Variants in TRIO observed in about 807,000 individuals in gnomAD.
The protein encoded by TRIO is triple functional domain protein.
Under a neutral mutation model 351.9 loss-of-function variants are expected in TRIO, and 58 were observed. The ratio of observed to expected loss-of-function variants is 0.16; its 90% confidence interval spans 0.13 to 0.21. TRIO has a LOEUF of 0.21. Ranked by LOEUF, TRIO falls within the 10% of genes least tolerant of loss-of-function variation. The pLI is 1.00. For missense variants in TRIO, 3,201 were observed against 4,027.8 expected, an observed-to-expected ratio of 0.79 and a Z score of 5.56; for synonymous variants, 1,758 against 1,595.7, an observed-to-expected ratio of 1.10 and a Z score of -2.42.
intron 16 of TRIO, among the ~76,000 whole-genome samples, chr5:14,367,487 G>T (rs1280041868): frequency 1.3e-5 from 2 of 152,152 alleles, no homozygotes; most frequent in Non-Finnish European, 2.9e-5. Flanking sequence ...TCAGATTCCT[G>T]CTTAAAAGCA....
At chr5:14,337,690 A>C (rs538523996) in intron 11 of TRIO, among the ~76,000 whole-genome samples, 1 of 152,236 alleles carries the variant, frequency 6.6e-6, no homozygotes, top group Non-Finnish European at 1.5e-5. Context: ...ATTCCTTTAA[A>C]GGAAAAGAAC....
At chr5:14,394,927 A>G (rs757762870) in intron 28 of TRIO, among the ~76,000 whole-genome samples, 1 of 152,232 alleles carries the variant, frequency 6.6e-6, no homozygotes, top group Non-Finnish European at 1.5e-5. Context: ...AATGTTCAGC[A>G]TACCATTTTC....
intron 8 of TRIO, among the ~76,000 whole-genome samples, chr5:14,311,767 A>G (rs146173385): frequency 6.6e-6 from 1 of 152,306 alleles, no homozygotes; most frequent in African/African-American, 2.4e-5. Flanking sequence ...ATGGCGAGCT[A>G]AGCCTGAAAA....
At chr5:14,466,711 C>T (rs1240862620) in intron 37 of TRIO, among the ~76,000 whole-genome samples, 1 of 152,194 alleles carries the variant, frequency 6.6e-6, no homozygotes, top group Non-Finnish European at 1.5e-5. Flanking sequence ...GCGAATAGTT[C>T]TGATACGTTT....
chr5:14,329,596 A>G (rs1740720936), intron 9 of TRIO, among the ~76,000 whole-genome samples: 1 of 152,266 alleles, frequency 6.6e-6, no homozygotes, highest in Non-Finnish European at 1.5e-5. Flanking sequence ...GTGTTTTGTT[A>G]GAGCAGGCTG....
intron 1 of TRIO, among the ~76,000 whole-genome samples, chr5:14,222,248 C>T (rs979642077): frequency 6.6e-6 from 1 of 151,510 alleles, no homozygotes; most frequent in Non-Finnish European, 1.5e-5. Flanking sequence ...ATAAATGTAC[C>T]ATGTAACGTA....
chr5:14,395,272 G>A (rs868752795), intron 28 of TRIO, among the ~76,000 whole-genome samples: 3 of 152,138 alleles, frequency 2.0e-5, no homozygotes, highest in African/African-American at 4.8e-5. Flanking sequence ...GACCATTCCC[G>A]CAGAAATATA....
At chr5:14,336,331 A>G (rs1387715240) in intron 10 of TRIO, among the ~76,000 whole-genome samples, 1 of 152,206 alleles carries the variant, frequency 6.6e-6, no homozygotes, top group Non-Finnish European at 1.5e-5. Context: ...ATGGGGTTCA[A>G]AGTTTAACAA....
At chr5:14,481,387 CA>C in intron 44 of TRIO, 103 bp downstream of exon 44, 1 of 1,505,798 alleles carries the variant, frequency 6.6e-7, no homozygotes, top group Non-Finnish European at 9.1e-7. Flanking sequence ...GGGGTCAAAG[CA>C]GTGGATGACA....
At position 14,487,618 on chromosome 5, in the gene TRIO, C is replaced by G. The variant is rs1297736366; in HGVS notation, c.6990C>G (p.Ala2330=). The G allele has an allele frequency of 2.5e-6, 3 of 1,198,830 alleles. No individual in the cohort carries two copies. The highest frequency in any genetic ancestry group is 2.1e-6 in the Non-Finnish European group (2 of 956,842). The allele number at this position is 1,198,830 out of a possible 1,614,324, so 74.3% of individuals were successfully genotyped here. Residue 2330 remains alanine, a synonymous_variant, in exon 48 of 57, where the codon GCC becomes GCG. Transcript: ENST00000344204. ...HSGGPSSCGG[A]PSTSRSRPSR... ...GCGGCCCCAGCAGCTGCGGCGGCGC[C>G]CCCAGCACGAGCAGGAGCCGGCCCT...
chr5:14,197,526 A>G (rs367804751), intron 1 of TRIO, among the ~76,000 whole-genome samples: 2 of 152,306 alleles, frequency 1.3e-5, no homozygotes, highest in East Asian at 1.9e-4. Flanking sequence ...TTTTGGTTGC[A>G]AGCAGTCAGA....
At chr5:14,330,654 T>G in intron 9 of TRIO, 124 bp from the exon 10 acceptor site, 1 of 1,271,020 alleles carries the variant, frequency 7.9e-7, no homozygotes, top group Non-Finnish European at 1.0e-6. Flanking sequence ...CCATTTTTTT[T>G]TCTCGTTTGC....
At chr5:14,393,757 T>C (rs927149300) in intron 27 of TRIO, among the ~76,000 whole-genome samples, 1 of 152,112 alleles carries the variant, frequency 6.6e-6, no homozygotes, top group African/African-American at 2.4e-5. Context: ...AAGGACATAA[T>C]TACAAAATGC....
At chr5:14,390,492 C>T (rs1579512410) in intron 26 of TRIO, 192 bp downstream of exon 26, 1 of 606,174 alleles carries the variant, frequency 1.6e-6, no homozygotes, top group Admixed American at 3.2e-5. Flanking sequence ...TTTATTGGCC[C>T]TGGTGATGGT....
Position 14,461,260 on chromosome 5 carries a change from GAAGGACTCCGAC to G in TRIO, c.5446_5457del (p.Lys1816_Asp1819del). 6.3e-7 allele frequency: 1 copy of G among 1,596,706 alleles called. No homozygotes were observed. Among genetic ancestry groups the G allele is most frequent in the Non-Finnish European group, 8.5e-7 (1 of 1,173,412 alleles). ...GCAAGAGCGCCGACGCCGGCTCGCA[GAAGGACTCCGAC>G]GACAGTGCGGCCACCCCGCAGGACG... On this transcript the variant is annotated inframe_deletion, in exon 35 of 57. Transcript: ENST00000344204.
chr5:14,507,695 G>A (rs993354880), intron 56 of TRIO, among the ~76,000 whole-genome samples, 185 bp from the exon 57 acceptor site: 7 of 148,416 alleles, frequency 4.7e-5, no homozygotes, highest in South Asian at 2.2e-4. Context: ...TCCCAGCTCC[G>A]CTGTGTCATC....
At chr5:14,202,293 G>GTTTTTTTTTTTTTTTTTT (rs1561196197) in intron 1 of TRIO, among the ~76,000 whole-genome samples, 1 of 34,350 alleles carries the variant, frequency 2.9e-5, no homozygotes, top group African/African-American at 1.0e-4. Flanking sequence ...ATATTTTTGT[G>GTTTTTTTTTTTTTTTTTT]ATTTTTTTTT....
intron 4 of TRIO, among the ~76,000 whole-genome samples, chr5:14,290,380 C>G (rs1032092681): frequency 6.6e-6 from 1 of 152,150 alleles, no homozygotes; most frequent in African/African-American, 2.4e-5. Flanking sequence ...GCAATTTAAC[C>G]TGTTTCCTAG....
At chr5:14,393,995 TAGCC>T (rs1561435193) in intron 27 of TRIO, 39 bp from the exon 28 acceptor site, 2 of 1,352,198 alleles carry the variant, frequency 1.5e-6, no homozygotes, top group African/African-American at 2.9e-5. Flanking sequence ...TTTAATAGTG[TAGCC>T]CTATGATAAC....
Sources: gnomAD v4.1 joint callset for allele counts (sites outside exome capture counted in the v4.1 genomes callset) on GRCh38, gnomAD v4.1.1 for gene constraint, MANE v1.5 for transcripts, NCBI Gene and HGNC (gene_info 2026-07-23, HGNC 2026-07-21) for gene names.